Variants in PRDM16 observed in about 807,000 individuals in gnomAD.
PRDM16 encodes PR/SET domain 16.
PRDM16 carries 23 observed loss-of-function variants against 110.6 expected under a neutral mutation model. The observed-to-expected ratio is 0.21, with a 90% CI of 0.15 to 0.29. PRDM16 has a LOEUF of 0.29. Ranked by LOEUF, PRDM16 falls within the 10% of genes least tolerant of loss-of-function variation. The pLI is 1.00. For missense variants in PRDM16, 1,615 were observed against 1,794.3 expected (o/e 0.90, Z 1.81); for synonymous variants, 799 against 781.8 (o/e 1.02, Z -0.37).
chr1:3,314,323 C>T (rs892733685), intron 3 of PRDM16, among the ~76,000 whole-genome samples: 7 of 152,260 alleles, frequency 4.6e-5, no homozygotes, highest in African/African-American at 1.7e-4. Flanking sequence ...TAGACTGTTT[C>T]TGAAATCGGT....
chr1:3,133,979 GTTTTAC>G (rs1389297504), intron 1 of PRDM16, among the ~76,000 whole-genome samples: 1 of 152,216 alleles, frequency 6.6e-6, no homozygotes, highest in Non-Finnish European at 1.5e-5. Flanking sequence ...GGAGGCTAGA[GTTTTAC>G]TTTCCTCCCC....
intron 1 of PRDM16, among the ~76,000 whole-genome samples, chr1:3,100,021 G>A (rs144822659): frequency 1.5e-4 from 23 of 152,290 alleles, no homozygotes; most frequent in East Asian, 1.4e-3. Flanking sequence ...TGAGGGAGCC[G>A]TAGAGGAGCC....
chr1:3,186,837 C>G (rs1027776574), intron 2 of PRDM16, among the ~76,000 whole-genome samples: 4 of 152,222 alleles, frequency 2.6e-5, no homozygotes, highest in African/African-American at 7.2e-5. Context: ...AGCTGCACTC[C>G]AGGGCTTCAT....
intron 3 of PRDM16, among the ~76,000 whole-genome samples, chr1:3,328,125 G>A (rs2500267): frequency 2.6e-5 from 4 of 152,210 alleles, no homozygotes; most frequent in Non-Finnish European, 5.9e-5. Context: ...GGCCCCTGCC[G>A]GGCCAAGTGG....
At chr1:3,426,630 A>G (rs1335268385) in intron 14 of PRDM16, among the ~76,000 whole-genome samples, 5 of 152,178 alleles carry the variant, frequency 3.3e-5, no homozygotes, top group African/African-American at 7.2e-5. Context: ...ACACATACAC[A>G]TGTGTACACA....
intron 1 of PRDM16, among the ~76,000 whole-genome samples, chr1:3,145,899 G>A (rs116601578): frequency 1.1e-4 from 16 of 152,136 alleles, no homozygotes; most frequent in East Asian, 1.9e-4. Context: ...CGGTCAGCCC[G>A]GGGTCAGGCT....
intron 1 of PRDM16, among the ~76,000 whole-genome samples, chr1:3,087,255 CACCT>C: frequency 6.7e-6 from 1 of 148,960 alleles, no homozygotes; most frequent in African/African-American, 2.6e-5. Context: ...AGACCAGCCC[CACCT>C]GAGACCAGCC....
chr1:3,310,792 CTG>C (rs537424717), intron 3 of PRDM16, among the ~76,000 whole-genome samples: 8 of 151,912 alleles, frequency 5.3e-5, no homozygotes, highest in African/African-American at 1.5e-4. Context: ...GCATGCATGT[CTG>C]TGTGTGTGTA....
chr1:3,184,859 G>A (rs189379007), intron 1 of PRDM16, among the ~76,000 whole-genome samples: 82 of 152,314 alleles, frequency 5.4e-4, no homozygotes, highest in Admixed American at 2.7e-3. Context: ...GGCTGGTCCA[G>A]GCTGCGCGTG....
chr1:3,075,104 G>A (rs1007940948), intron 1 of PRDM16, among the ~76,000 whole-genome samples: 6 of 152,368 alleles, frequency 3.9e-5, no homozygotes, highest in Middle Eastern at 3.4e-3. Flanking sequence ...GGGCTGGCCC[G>A]CCTGGCCGGC....
Position 3,434,003 on chromosome 1 carries a change from T to A in PRDM16, c.*192T>A. The A allele has an allele frequency of 1.7e-6, 1 of 603,628 alleles. No homozygotes were observed. Among genetic ancestry groups the A allele is most frequent in the Non-Finnish European group, 2.9e-6 (1 of 349,124 alleles). 37.4% of individuals were successfully genotyped at this position (603,628 alleles called of 1,614,324 possible). A position where few individuals can be genotyped will look rare whatever the true frequency, so the allele number is the denominator to read the frequency against. On this transcript the variant is annotated 3_prime_UTR_variant, in exon 17 of 17. Transcript: ENST00000270722. ...AAGTCCCTAAAGCAGTCGTAGAGTCTCACCATCTCCAAGGATTGGTCTTGA... is the reference window on the plus strand; with the variant it reads ...AAGTCCCTAAAGCAGTCGTAGAGTCACACCATCTCCAAGGATTGGTCTTGA...
At chr1:3,351,630 C>CTCCCTCTGTCCCG (rs1642492743) in intron 3 of PRDM16, among the ~76,000 whole-genome samples, 1 of 26,428 alleles carries the variant, frequency 3.8e-5, no homozygotes, top group Non-Finnish European at 1.0e-4. Context: ...CTCTCTCCCC[C>CTCCCTCTGTCCCG]TCCCTCTCTC....
intron 8 of PRDM16, among the ~76,000 whole-genome samples, chr1:3,409,298 G>A (rs1643628281): frequency 6.6e-6 from 1 of 151,998 alleles, no homozygotes. Flanking sequence ...GCCTCCCCGA[G>A]GGCCAGGTAG....
intron 1 of PRDM16, among the ~76,000 whole-genome samples, chr1:3,184,793 G>A (rs1190309987): frequency 1.6e-4 from 24 of 152,176 alleles, no homozygotes; most frequent in African/African-American, 5.1e-4. Flanking sequence ...TCTAAATGCC[G>A]CCAAGCAGGT....
chr1:3,326,786 C>T (rs2483268), intron 3 of PRDM16, among the ~76,000 whole-genome samples: 54,379 of 152,180 alleles, frequency 0.36, 10,488 homozygotes, highest in Middle Eastern at 0.5. Flanking sequence ...CCCCACCAGC[C>T]GCCGCGTGGC....
chr1:3,079,017 A>G lies in PRDM16; in HGVS notation c.37+9721A>G, dbSNP rs550165755. 2.1e-4 allele frequency among the ~76,000 whole-genome samples: 32 copies of G among 152,382 alleles called. 1 individual carries two copies. The South Asian group carries it at 6.6e-3, about 32-fold the overall frequency. ...AAAATGACGCTCACCGGAGGAGCCC[A>G]AACGGTGACCGCAGGGTGGCTGCGG... is the stretch of plus-strand genomic sequence containing the variant. On this transcript the variant is annotated intron_variant, in intron 1 of 16. Transcript: ENST00000270722.
intron 1 of PRDM16, among the ~76,000 whole-genome samples, chr1:3,181,034 G>T (rs117060132): frequency 8.0e-6 from 1 of 124,552 alleles, no homozygotes; most frequent in African/African-American, 2.9e-5. Flanking sequence ...TCTTACACGC[G>T]GTCTTACACA....
intron 1 of PRDM16, among the ~76,000 whole-genome samples, chr1:3,115,022 G>T (rs548189545): frequency 2.6e-5 from 4 of 152,274 alleles, no homozygotes; most frequent in African/African-American, 4.8e-5. Context: ...AGCCTCTGGA[G>T]TCTGGTGCAC....
chr1:3,155,386 GGGTTCGGGTTTGCGGTGTTATT>G (rs1557488645), intron 1 of PRDM16, among the ~76,000 whole-genome samples: 2 of 152,218 alleles, frequency 1.3e-5, no homozygotes, highest in African/African-American at 4.8e-5. Flanking sequence ...GCGAGGACTT[GGGTTCGGGTTTGCGGTGTTATT>G]GCCCTGTTAT....
Sources: allele counts gnomAD v4.1 joint callset (sites outside exome capture counted in the v4.1 genomes callset), GRCh38; gene constraint gnomAD v4.1.1; transcripts MANE v1.5; gene names NCBI Gene and HGNC (gene_info 2026-07-23, HGNC 2026-07-21).